Variants in SMARCAD1 observed in about 807,000 individuals in gnomAD.
The protein encoded by SMARCAD1 is SWI/SNF-related matrix-associated actin-dependent regulator of chromatin subfamily A containing DEAD/H box 1.
Under a neutral mutation model 127.1 loss-of-function variants are expected in SMARCAD1, and 25 were observed. The ratio of observed to expected loss-of-function variants is 0.20; its 90% CI spans 0.14 to 0.27. SMARCAD1 has a LOEUF of 0.27. Ranked by LOEUF, SMARCAD1 falls within the 10% of genes least tolerant of loss-of-function variation. The pLI, the probability that SMARCAD1 is intolerant of heterozygous loss-of-function variation, is 1.00. For synonymous variants in SMARCAD1, 400 were observed against 396.9 expected (o/e 1.01, Z -0.09); for missense variants, 807 against 1,206.0 (o/e 0.67, Z 4.90).
intron 3 of SMARCAD1, 92 bp from the exon 4 acceptor site, chr4:94,233,862 T>A: frequency 7.8e-7 from 1 of 1,284,066 alleles, no homozygotes; most frequent in Non-Finnish European, 1.1e-6. Flanking sequence ...GAACTGCAGA[T>A]GTGTTGTACT....
At chr4:94,212,437 A>G (rs1742425677) in intron 2 of SMARCAD1, among the ~76,000 whole-genome samples, 1 of 152,140 alleles carries the variant, frequency 6.6e-6, no homozygotes. Flanking sequence ...GGCCTCTGAA[A>G]GTGCTAGGAT....
chr4:94,221,376 G>A (rs1744101559), intron 2 of SMARCAD1, among the ~76,000 whole-genome samples: 1 of 152,074 alleles, frequency 6.6e-6, no homozygotes, highest in African/African-American at 2.4e-5. Context: ...TTTTTCGTAT[G>A]GTTCCAGTTT....
chr4:94,235,582 A>G (rs1000465543), intron 4 of SMARCAD1, among the ~76,000 whole-genome samples: 1 of 149,888 alleles, frequency 6.7e-6, no homozygotes, highest in Non-Finnish European at 1.5e-5. Flanking sequence ...ATGAAACTTT[A>G]GTGATATCTT....
chr4:94,264,128 C>G (rs1363600342), intron 9 of SMARCAD1, among the ~76,000 whole-genome samples: 1 of 151,758 alleles, frequency 6.6e-6, no homozygotes, highest in Admixed American at 6.6e-5. Context: ...TGTGATATCT[C>G]TCCGTGTGAT....
chr4:94,275,482 T>C (rs889110788), intron 14 of SMARCAD1, among the ~76,000 whole-genome samples: 52 of 152,302 alleles, frequency 3.4e-4, no homozygotes, highest in African/African-American at 1.2e-3. Context: ...ATTTTAACTG[T>C]AGTTATTATT....
chr4:94,226,591 T>G (rs948430438), intron 3 of SMARCAD1, among the ~76,000 whole-genome samples: 1 of 151,544 alleles, frequency 6.6e-6, no homozygotes, highest in African/African-American at 2.4e-5. Flanking sequence ...AAAGAATTGT[T>G]TAGTACCTTT....
chr4:94,260,437 G>A (rs1750795289), intron 9 of SMARCAD1, among the ~76,000 whole-genome samples: 1 of 151,986 alleles, frequency 6.6e-6, no homozygotes, highest in Non-Finnish European at 1.5e-5. Context: ...TCTGCCTCCT[G>A]GGTTCAAGAA....
intron 2 of SMARCAD1, 84 bp from the exon 3 acceptor site, chr4:94,226,035 G>T: frequency 8.8e-7 from 1 of 1,138,548 alleles, no homozygotes; most frequent in Non-Finnish European, 1.3e-6. Flanking sequence ...AATGAAATTT[G>T]AGATTTTAGC....
chr4:94,264,623 C>T, intron 9 of SMARCAD1, 84 bp from the exon 10 acceptor site: 4 of 1,233,580 alleles, frequency 3.2e-6, no homozygotes, highest in Non-Finnish European at 4.6e-6. Flanking sequence ...AATTAGCAAA[C>T]TTGTTTTCCT....
In SMARCAD1 at chr4:94,235,345, G is replaced by A. The variant is rs976504193; in HGVS notation, c.537+1223G>A. On this transcript the variant is annotated intron_variant, in intron 4 of 23. Coordinates refer to ENST00000354268, the MANE Select transcript of SMARCAD1 (RefSeq NM_020159.5). ...TTTCACCTAGTGGAAAAGATTCGTCGCTGTTGCAGGATGTACTTTGTTCCT... is the reference window on the plus strand; with the variant it reads ...TTTCACCTAGTGGAAAAGATTCGTCACTGTTGCAGGATGTACTTTGTTCCT... 6.2e-5 allele frequency among the ~76,000 whole-genome samples: 9 copies of A among 146,140 alleles called. 1 individual carries two copies. Among genetic ancestry groups the A allele is most frequent in the African/African-American group, 2.3e-4 (9 of 39,504 alleles).
intron 10 of SMARCAD1, among the ~76,000 whole-genome samples, chr4:94,265,854 T>G (rs1751668117): frequency 1.3e-5 from 2 of 152,046 alleles, no homozygotes; most frequent in Admixed American, 1.3e-4. Context: ...TTCAAAGTAT[T>G]TCTGATAGGT....
Position 94,245,781 on chromosome 4 carries a change from A to G in SMARCAD1, c.706-3873A>G, listed in dbSNP as rs1248283115. Among the ~76,000 whole-genome samples, 3 of 152,194 alleles carry G rather than the reference A, an allele frequency of 2.0e-5. No homozygotes were observed. In the South Asian group the frequency reaches 6.2e-4, roughly 31 times the overall value. On this transcript the variant is annotated intron_variant, in intron 6 of 23. Transcript: ENST00000354268. ...TTCTCTTTTTATATGTCACTGATGA[A>G]GTTTTTGACATTGTATCTCTAACAG...
At chr4:94,224,925 T>C (rs1744765573) in intron 2 of SMARCAD1, among the ~76,000 whole-genome samples, 1 of 152,226 alleles carries the variant, frequency 6.6e-6, no homozygotes, top group African/African-American at 2.4e-5. Context: ...TTTTTAACCT[T>C]TGAACTAAAG....
At chr4:94,245,043 C>T (rs559600287) in intron 6 of SMARCAD1, among the ~76,000 whole-genome samples, 3 of 152,052 alleles carry the variant, frequency 2.0e-5, no homozygotes, top group East Asian at 3.9e-4. Context: ...AGTAATATAC[C>T]GAGAGTGTTT....
intron 5 of SMARCAD1, among the ~76,000 whole-genome samples, chr4:94,239,118 A>G (rs1747167953): frequency 6.6e-6 from 1 of 152,204 alleles, no homozygotes. Context: ...TGCATCATGG[A>G]ACGGACAGAA....
chr4:94,213,204 G>C, intron 2 of SMARCAD1: 1 of 745,488 alleles, frequency 1.3e-6, no homozygotes, highest in East Asian at 6.6e-5. Flanking sequence ...CATATAATAG[G>C]GCAAAATACT....
At chr4:94,232,718 C>G (rs924407893) in intron 3 of SMARCAD1, among the ~76,000 whole-genome samples, 3 of 152,150 alleles carry the variant, frequency 2.0e-5, no homozygotes, top group Non-Finnish European at 4.4e-5. Flanking sequence ...TTTGGAAGGC[C>G]AAGGCGGGCG....
chr4:94,276,641 T>A (rs28539776), intron 15 of SMARCAD1, among the ~76,000 whole-genome samples, 167 bp downstream of exon 15: 4,274 of 152,318 alleles, frequency 0.028, 178 homozygotes, highest in African/African-American at 0.097. Context: ...TATTTCACAC[T>A]TTATGGACTA....
rs1268678028 is a variant in SMARCAD1, at chr4:94,207,981, G to A, written c.-139G>A. 1 of 370,130 alleles carries A rather than the reference G, an allele frequency of 2.7e-6. No individual in the cohort carries two copies. Among genetic ancestry groups the A allele is most frequent in the South Asian group, 2.0e-5 (1 of 48,970 alleles). The allele number at this position is 370,130 out of a possible 1,614,324, so 22.9% of individuals were successfully genotyped here. Reference sequence around the variant, plus strand: ...CCTGGCAGGTCCTTTCTCGAGGCAGGGGGCACGGTAGCACAGGGAGCTTCT... The same window carrying A: ...CCTGGCAGGTCCTTTCTCGAGGCAGAGGGCACGGTAGCACAGGGAGCTTCT... On this transcript the variant is annotated 5_prime_UTR_variant, in exon 1 of 24. Coordinates refer to ENST00000354268, the MANE Select transcript of SMARCAD1 (RefSeq NM_020159.5).
Sources: gnomAD v4.1 joint callset for allele counts (sites outside exome capture counted in the v4.1 genomes callset) on GRCh38, gnomAD v4.1.1 for gene constraint, MANE v1.5 for transcripts, NCBI Gene and HGNC (gene_info 2026-07-23, HGNC 2026-07-21) for gene names.